SF1: variants seen among roughly 807,000 people sequenced by gnomAD.
SF1 encodes the protein splicing factor 1.
SF1 carries 7 observed loss-of-function variants against 62.5 expected under a neutral mutation model. The observed-to-expected ratio is 0.11, with a 90% CI of 0.06 to 0.21. The LOEUF is 0.21. SF1 is among the 10% of genes least tolerant of loss of function. The probability of loss-of-function intolerance (pLI) is 1.00; values close to 1 mark genes in which losing one functional copy is unlikely to be tolerated. For synonymous variants in SF1, 394 were observed against 323.6 expected (o/e 1.22, Z -2.33); for missense variants, 578 against 884.0 (o/e 0.65, Z 4.39).
Position 64,769,101 on chromosome 11 carries a change from T to A in SF1, c.808A>T (p.Thr270Ser). 6.2e-7 allele frequency: 1 copy of A among 1,614,134 alleles called. No individual in the cohort carries two copies. The highest frequency in any genetic ancestry group is 8.5e-7 in the Non-Finnish European group (1 of 1,180,000). ...ACTGTGGTGTTGGTAATGCTGCGGG[T>A]CTCTGAGCTCTGCCAGGGTCTTAAG... ...RILRPWQSSETRSITNTTVCT... is the reference protein window; with the variant it reads ...RILRPWQSSESRSITNTTVCT... The change falls in exon 8 of 13, where the codon ACC becomes TCC. Residue 270 changes from threonine (T) to serine (S), a missense_variant. Transcript: ENST00000377390.
chr11:64,768,938 G>C (rs1279663974), intron 8 of SF1, 84 bp downstream of exon 8: 2 of 906,726 alleles, frequency 2.2e-6, no homozygotes, highest in African/African-American at 1.6e-5. Context: ...CTCTTGGTAA[G>C]ATTAACAGCA....
At chr11:64,777,925 C>A (rs1338466948) in intron 1 of SF1, 2 of 968,410 alleles carry the variant, frequency 2.1e-6, no homozygotes, top group East Asian at 2.3e-4. Flanking sequence ...CGCCGCCGCG[C>A]GCCCCTCAGG....
chr11:64,766,880 G>GC lies in SF1; in HGVS notation c.1582+19dup. On this transcript the variant is annotated intron_variant, in intron 12 of 12. Coordinates refer to ENST00000377390, the MANE Select transcript of SF1 (RefSeq NM_004630.4). ...ACCCCCATCCCACCCACCCCCACAA[G>GC]CCCAAAATATTCTACTCACTTTGCT... 1 of 259,412 alleles carries GC rather than the reference G, an allele frequency of 3.9e-6. No individual in the cohort carries two copies. The allele number at this position is 259,412 out of a possible 1,614,324, so 16.1% of individuals were successfully genotyped here.
Position 64,765,989 on chromosome 11 carries a change from G to C in SF1, c.1749C>G (p.Pro583=), listed in dbSNP as rs2058631898. The C allele has an allele frequency of 6.2e-7, 1 of 1,604,262 alleles. No individual in the cohort carries two copies. The highest frequency in any genetic ancestry group is 1.1e-5 in the South Asian group (1 of 90,604). The change falls in exon 13 of 13, where the codon CCC becomes CCG. Residue 583 remains proline (P), a synonymous_variant. Transcript: ENST00000377390. The part of the protein sequence containing the change: ...VQPPLPPGAP[P]PPPPPPPGSA... ...AACCAGGCGGTGGAGGCGGCGGAGG[G>C]GGAGGGGCCCCAGGCGGCAGAGGCG...
chr11:64,765,850 G>C lies in SF1; in HGVS notation c.1888C>G (p.Pro630Ala). ...VAGMPPFGMP[P>A]APPPPPPQN The stretch of plus-strand genomic sequence containing the variant: ...TGTGGTGGAGGCGGTGGGGGAGCTG[G>C]AGGCATCCCGAAGGGCGGCATGCCC... The change falls in exon 13 of 13, where the codon CCA becomes GCA. Residue 630 changes from proline to alanine, a missense_variant. Transcript: ENST00000377390. 1.9e-6 allele frequency: 3 copies of C among 1,557,096 alleles called. No individual in the cohort carries two copies. Among genetic ancestry groups the C allele is most frequent in the Non-Finnish European group, 2.6e-6 (3 of 1,151,064 alleles).
chr11:64,772,110 T>C, intron 3 of SF1: 6 of 985,398 alleles, frequency 6.1e-6, no homozygotes, highest in Non-Finnish European at 7.2e-6. Flanking sequence ...CAAAAGCTAG[T>C]ATTCTAGAGG....
chr11:64,773,877 A>G (rs978798827), intron 2 of SF1, among the ~76,000 whole-genome samples: 3 of 152,326 alleles, frequency 2.0e-5, no homozygotes, highest in East Asian at 3.9e-4. Context: ...TACGTCACCA[A>G]TACCCGACTC....
At chr11:64,778,075 C>A in intron 1 of SF1, 1 of 976,166 alleles carries the variant, frequency 1.0e-6, no homozygotes, top group Non-Finnish European at 1.2e-6. Context: ...GCTGGTAGAG[C>A]GGCGGCGGAG....
chr11:64,770,153 G>T, intron 4 of SF1, 100 bp from the exon 5 acceptor site: 2 of 1,547,752 alleles, frequency 1.3e-6, no homozygotes, highest in South Asian at 1.1e-5. Flanking sequence ...AATTATGGGT[G>T]ACTTGAGGCA....
rs1227786361 is a variant in SF1, at chr11:64,765,928, G to C, written c.1810C>G (p.Pro604Ala). The change falls in exon 13 of 13, where the codon CCG (proline) becomes GCG (alanine). Residue 604 changes from proline (P) to alanine (A), a missense_variant. This residue lies in a region of SF1 where 410 missense variants were observed against 452.4 expected (regional missense o/e 0.91). Coordinates refer to ENST00000377390, the MANE Select transcript of SF1 (RefSeq NM_004630.4). The part of the protein sequence containing the change: ...GMMYAPPPPP[P>A]PPMDPSNFVT... Reference sequence around the variant, plus strand: ...AAGTTAGAAGGGTCCATGGGAGGCGGAGGAGGAGGGGGCGGGGCATACATC... The same window carrying C: ...AAGTTAGAAGGGTCCATGGGAGGCGCAGGAGGAGGGGGCGGGGCATACATC... The C allele has an allele frequency of 6.4e-7, 1 of 1,569,026 alleles. No homozygotes were observed. Among genetic ancestry groups the C allele is most frequent in the African/African-American group, 1.4e-5 (1 of 73,834 alleles).
At chr11:64,771,793 G>T in intron 3 of SF1, 4 of 985,016 alleles carry the variant, frequency 4.1e-6, no homozygotes, top group Non-Finnish European at 4.8e-6. Flanking sequence ...CAATAAAGTG[G>T]CTTAAGTGAT....
Position 64,776,315 on chromosome 11 carries a change from C to A in SF1, c.160+183G>T, listed in dbSNP as rs942342526. 1.8e-5 allele frequency: 11 copies of A among 624,466 alleles called. 1 individual carries two copies. In the Admixed American group the frequency reaches 2.9e-4, roughly 16 times the overall value. 38.7% of individuals were successfully genotyped at this position (624,466 alleles called of 1,614,324 possible). ...GGAGAACACTGCAGTTACGAACAGACCAAAACAAGGAGCTGCAAATGCAGA... is the reference window on the plus strand; with the variant it reads ...GGAGAACACTGCAGTTACGAACAGAACAAAACAAGGAGCTGCAAATGCAGA... On this transcript the variant is annotated intron_variant, in intron 2 of 12. Coordinates refer to ENST00000377390, the MANE Select transcript of SF1 (RefSeq NM_004630.4).
In SF1 at chr11:64,770,308, T is replaced by C; in HGVS notation, c.337A>G (p.Ile113Val). ...GGATTGAGTGCAACCATCTCTGTGA[T>C]GAGGTTGTGCCGCTCCTCTTCCAGC... ...KKLEEERHNL[I>V]TEMVALNPDF... The change falls in exon 4 of 13, where the codon ATC becomes GTC. Residue 113 changes from isoleucine to valine, a missense_variant. Ile to Val is a conservative substitution (Grantham distance 29). Around this residue, in one of 7 missense-constraint regions of SF1, gnomAD observed 68 missense variants for 170.7 expected, o/e 0.40. Coordinates refer to ENST00000377390, the MANE Select transcript of SF1 (RefSeq NM_004630.4). 6.2e-7 allele frequency: 1 copy of C among 1,614,080 alleles called. No homozygotes were observed. The highest frequency in any genetic ancestry group is 8.5e-7 in the Non-Finnish European group (1 of 1,180,014).
chr11:64,777,579 C>G, intron 1 of SF1: 2 of 985,470 alleles, frequency 2.0e-6, no homozygotes. Context: ...TTCCTCAAGA[C>G]CAGAAGGGAG....
Position 64,767,177 on chromosome 11 carries a change from GCAGA to G in SF1, c.1402+11_1402+14del. On this transcript the variant is annotated intron_variant, in intron 11 of 12. Coordinates refer to ENST00000377390, the MANE Select transcript of SF1 (RefSeq NM_004630.4). ...AAGCCTAGGTGAAGACCCACAGCCA[GCAGA>G]CAGCCATTACCTTTTCCTTGATGCA... The G allele has an allele frequency of 1.2e-6, 2 of 1,613,874 alleles. No homozygotes were observed. Among genetic ancestry groups the G allele is most frequent in the Non-Finnish European group, 1.7e-6 (2 of 1,179,788 alleles).
chr11:64,777,432 A>T (rs888048625), intron 1 of SF1: 1 of 903,402 alleles, frequency 1.1e-6, no homozygotes, highest in Non-Finnish European at 1.3e-6. Context: ...AAAAAAACAA[A>T]CTAAAATTCT....
intron 12 of SF1, chr11:64,766,577 A>C: frequency 2.5e-6 from 1 of 405,882 alleles, no homozygotes; most frequent in South Asian, 4.8e-5. Flanking sequence ...GCACCATCCC[A>C]CTCGACCCAT....
chr11:64,775,329 C>T (rs1256166105), intron 2 of SF1, among the ~76,000 whole-genome samples: 1 of 152,180 alleles, frequency 6.6e-6, no homozygotes, highest in Non-Finnish European at 1.5e-5. Context: ...AATTTGTGCT[C>T]TTCCCATCTT....
rs1166349015 is a variant in SF1, at chr11:64,767,209, C to T, written c.1385G>A (p.Arg462His). The T allele has an allele frequency of 1.9e-6, 3 of 1,614,026 alleles. No individual in the cohort carries two copies. Among genetic ancestry groups the T allele is most frequent in the Admixed American group, 1.7e-5 (1 of 60,010 alleles). ...GCCATTACCTTTTCCTTGATGCAGGCGATAGACCCCAGAGCCCACAGGCGT... is the reference window on the plus strand; with the variant it reads ...GCCATTACCTTTTCCTTGATGCAGGTGATAGACCCCAGAGCCCACAGGCGT... Reference protein sequence around the residue: ...GSTPVGSGVYRLHQGKGMMPP... With the variant: ...GSTPVGSGVYHLHQGKGMMPP... Residue 462 changes from arginine to histidine, a missense_variant, in exon 11 of 13, where the codon CGC becomes CAC. By Grantham distance (29) the Arg-to-His change is conservative. This residue lies in a region of SF1 where 410 missense variants were observed against 452.4 expected (regional missense o/e 0.91). Transcript: ENST00000377390.
Sources: gnomAD v4.1 joint callset for allele counts (sites outside exome capture counted in the v4.1 genomes callset) on GRCh38, gnomAD v4.1.1 for gene constraint, gnomAD v4.1.1 regional missense constraint, MANE v1.5 for transcripts, NCBI Gene and HGNC (gene_info 2026-07-23, HGNC 2026-07-21) for gene names.